NABP2: variants seen among roughly 807,000 people sequenced by gnomAD.
NABP2 encodes nucleic acid binding protein 2.
In NABP2, 7 loss-of-function variants were observed where a neutral mutation model predicts 22.7. That is an observed-to-expected ratio of 0.31 (90% CI 0.18 to 0.58). The LOEUF (loss-of-function observed/expected upper bound fraction) is 0.58. Ranked by LOEUF, NABP2 falls within the 20% of genes least tolerant of loss-of-function variation. The probability of loss-of-function intolerance (pLI) is 0.89; values close to 1 mark genes in which losing one functional copy is unlikely to be tolerated. For synonymous variants in NABP2, 107 were observed against 99.2 expected (o/e 1.08, Z -0.47); for missense variants, 188 against 265.9 (o/e 0.71, Z 2.04).
chr12:56,229,166 A>C lies in NABP2; in HGVS notation c.589A>C (p.Asn197His). The change falls in exon 7 of 7, where the codon AAC (asparagine) becomes CAC (histidine). Residue 197 changes from asparagine (N) to histidine (H), a missense_variant. Coordinates refer to ENST00000267023, the MANE Select transcript of NABP2 (RefSeq NM_024068.4). ...TPAGPPGPSSNPVSNGKETRR... is the reference protein window; with the variant it reads ...TPAGPPGPSSHPVSNGKETRR... ...TGCAGGCCCGCCTGGCCCTTCCAGC[A>C]ACCCTGTTAGTAACGGCAAAGAAAC... 6.6e-7 allele frequency: 1 copy of C among 1,519,976 alleles called. No individual in the cohort carries two copies. Among genetic ancestry groups the C allele is most frequent in the Non-Finnish European group, 8.9e-7 (1 of 1,123,962 alleles). The allele number at this position is 1,519,976 out of a possible 1,614,324, so 94.2% of individuals were successfully genotyped here. A position where few individuals can be genotyped will look rare whatever the true frequency, so the allele number is the denominator to read the frequency against.
chr12:56,228,594 G>A (rs1869914255), intron 6 of NABP2, among the ~76,000 whole-genome samples: 1 of 151,918 alleles, frequency 6.6e-6, no homozygotes, highest in Non-Finnish European at 1.5e-5. Flanking sequence ...CACTATGTTG[G>A]CCAGGCTGGT....
chr12:56,224,168 C>T (rs1205599294), upstream of NABP2, among the ~76,000 whole-genome samples: 2 of 152,232 alleles, frequency 1.3e-5, no homozygotes, highest in East Asian at 3.8e-4. Context: ...ATTTTTCCCC[C>T]TACAGAGCCA....
In NABP2 at chr12:56,229,087, T is replaced by TGGGCG; in HGVS notation, c.510_511insGGGCG (p.Pro171GlyfsTer64). The TGGGCG allele has an allele frequency of 6.6e-7, 1 of 1,512,344 alleles. No individual in the cohort carries two copies. The highest frequency in any genetic ancestry group is 9.1e-7 in the Non-Finnish European group (1 of 1,102,012). The allele number at this position is 1,512,344 out of a possible 1,614,324, so 93.7% of individuals were successfully genotyped here. ...GTGGTGGCCCACATCCCCCTCATAC[T>TGGGCG]CCCTCCCACCCACCCAGCACCCGAA... On this transcript the variant is annotated frameshift_variant, in exon 7 of 7. Coordinates refer to ENST00000267023, the MANE Select transcript of NABP2 (RefSeq NM_024068.4). LOFTEE classifies it high-confidence loss of function.
upstream of NABP2, among the ~76,000 whole-genome samples, chr12:56,222,797 T>C (rs747598970): frequency 6.6e-6 from 1 of 152,254 alleles, no homozygotes; most frequent in Non-Finnish European, 1.5e-5. Context: ...AATACACACA[T>C]ACACACATAT....
At chr12:56,223,917 C>T (rs531960906), upstream of NABP2, among the ~76,000 whole-genome samples, 12 of 152,278 alleles carry the variant, frequency 7.9e-5, 1 homozygote, top group South Asian at 2.5e-3. Flanking sequence ...TGCCTCCCTA[C>T]GTGCTGGGAT....
intron 6 of NABP2, among the ~76,000 whole-genome samples, chr12:56,228,275 G>A (rs987232801): frequency 4.6e-5 from 7 of 151,788 alleles, no homozygotes; most frequent in South Asian, 2.1e-4. Context: ...TATCATTATC[G>A]TACACTCATA....
chr12:56,227,373 C>CAAAA (rs35370619), intron 6 of NABP2, among the ~76,000 whole-genome samples: 1 of 104,240 alleles, frequency 9.6e-6, no homozygotes, highest in Non-Finnish European at 2.1e-5. Context: ...GACTCTTTCT[C>CAAAA]AAAAAAAAAA....
chr12:56,229,102 C>CCCCCCCCCG lies in NABP2; in HGVS notation c.525_526insCCCCCCCCG (p.Pro175_Ser176insProProPro). 6.3e-7 allele frequency: 1 copy of CCCCCCCCCG among 1,599,298 alleles called. No individual in the cohort carries two copies. Among genetic ancestry groups the CCCCCCCCCG allele is most frequent in the Non-Finnish European group, 8.5e-7 (1 of 1,173,890 alleles). ...CCCCTCATACTCCCTCCCACCCACC[C>CCCCCCCCCG]AGCACCCGAATCACTCGAAGCCAGC... On this transcript the variant is annotated inframe_insertion, in exon 7 of 7. Transcript: ENST00000267023.
At chr12:56,222,123 A>G (rs2629449), upstream of NABP2, 143,389 of 152,364 alleles carry the variant, frequency 0.94, 68,036 homozygotes, top group East Asian at 1. Context: ...GTAGCCATTT[A>G]GGAGGGAGAA....
chr12:56,225,693 A>G lies in NABP2; in HGVS notation c.288A>G (p.Gly96=). The part of the protein sequence containing the change: ...TGRGGDLQKI[G]EFCMVYSEVP... ...GTGGGGGTGATCTGCAGAAGATTGG[A>G]GAGTAAGTGCTGTCTTGGGGATTGG... Residue 96 remains glycine (G), a splice_region_variant and synonymous_variant, in exon 4 of 7, where the codon GGA becomes GGG. Transcript: ENST00000267023. The G allele has an allele frequency of 6.2e-7, 1 of 1,614,126 alleles. No homozygotes were observed. The highest frequency in any genetic ancestry group is 8.5e-7 in the Non-Finnish European group (1 of 1,180,030).
rs1592370509 is a variant in NABP2 at position 56,229,420 on chromosome 12, T to C, written c.*207T>C. The C allele has an allele frequency of 3.4e-6, 2 of 593,950 alleles. No individual in the cohort carries two copies. Among genetic ancestry groups the C allele is most frequent in the East Asian group, 5.7e-5 (2 of 34,992 alleles). The allele number at this position is 593,950 out of a possible 1,614,324, so 36.8% of individuals were successfully genotyped here. A position where few individuals can be genotyped will look rare whatever the true frequency, so the allele number is the denominator to read the frequency against. ...CCCCTGGGAGTCAGGACCCTCTGCC[T>C]GCTCTCTTTCCTCTTTAGAAATGGC... On this transcript the variant is annotated 3_prime_UTR_variant, in exon 7 of 7. Transcript: ENST00000267023.
chr12:56,226,335 A>C, intron 5 of NABP2, 21 bp from the exon 6 acceptor site: 1 of 1,614,068 alleles, frequency 6.2e-7, no homozygotes, highest in Non-Finnish European at 8.5e-7. Context: ...CAGGATCTGA[A>C]TATGTAATCT....
chr12:56,226,226 C>T lies in NABP2; in HGVS notation c.338C>T (p.Pro113Leu). The T allele has an allele frequency of 6.2e-7, 1 of 1,614,134 alleles. No homozygotes were observed. ...SEVPNFSEPN[P>L]EYSTQQAPNK... ...GTTCCTAACTTCAGTGAGCCAAACC[C>T]AGAGTACAGCACCCAGCAGGCACCC... is the stretch of plus-strand genomic sequence containing the variant. The change falls in exon 5 of 7, where the codon CCA becomes CTA. Residue 113 changes from proline to leucine, a missense_variant. By Grantham distance (98) the Pro-to-Leu change is moderately conservative. Coordinates refer to ENST00000267023, the MANE Select transcript of NABP2 (RefSeq NM_024068.4).
At chr12:56,226,551 A>T in intron 6 of NABP2, 132 bp downstream of exon 6, 2 of 452,042 alleles carry the variant, frequency 4.4e-6, no homozygotes, top group Non-Finnish European at 3.9e-6. Context: ...CAATTCTCCC[A>T]GACCCCTTTT....
At chr12:56,223,120 C>T (rs903326557), upstream of NABP2, among the ~76,000 whole-genome samples, 1 of 152,154 alleles carries the variant, frequency 6.6e-6, no homozygotes, top group Admixed American at 6.5e-5. Flanking sequence ...CCTGTAATCC[C>T]AGCTACTCGG....
At chr12:56,226,049 G>T in intron 4 of NABP2, 130 bp from the exon 5 acceptor site, 1 of 794,958 alleles carries the variant, frequency 1.3e-6, no homozygotes, top group Non-Finnish European at 2.1e-6. Context: ...TGATCCTCCC[G>T]CTTCTGCCTC....
At chr12:56,226,847 C>G (rs910602937) in intron 6 of NABP2, among the ~76,000 whole-genome samples, 14 of 150,770 alleles carry the variant, frequency 9.3e-5, no homozygotes, top group Non-Finnish European at 4.4e-5. Context: ...TCTCGGCCTC[C>G]TGAGTAGCTG....
intron 6 of NABP2, among the ~76,000 whole-genome samples, chr12:56,226,937 T>A (rs1258911385): frequency 6.6e-6 from 1 of 151,076 alleles, no homozygotes. Context: ...TTGCCCAGGC[T>A]GGTCTCGAAC....
chr12:56,229,060 C>T lies in NABP2; in HGVS notation c.483C>T (p.Pro161=), dbSNP rs371626760. ...ATGGACTGAGTGCCCCACCAGGTCC[C>T]GGTGGTGGCCCACATCCCCCTCATA... ...NGNGLSAPPG[P]GGGPHPPHTP... is the part of the protein sequence containing the mutation. The change falls in exon 7 of 7, where the codon CCC becomes CCT. Residue 161 remains proline (P), a synonymous_variant. Coordinates refer to ENST00000267023, the MANE Select transcript of NABP2 (RefSeq NM_024068.4). 5.6e-5 allele frequency: 90 copies of T among 1,613,012 alleles called. No homozygotes were observed. Among genetic ancestry groups the T allele is most frequent in the Non-Finnish European group, 7.0e-5 (82 of 1,179,652 alleles).
Sources: gnomAD v4.1 joint callset for allele counts (sites outside exome capture counted in the v4.1 genomes callset) on GRCh38, gnomAD v4.1.1 for gene constraint, MANE v1.5 for transcripts, NCBI Gene and HGNC (gene_info 2026-07-23, HGNC 2026-07-21) for gene names.